WEE1: variants seen among roughly 807,000 people sequenced by gnomAD.
WEE1 encodes the protein wee1-like protein kinase.
Under a neutral mutation model 68.8 loss-of-function variants are expected in WEE1, and 16 were observed. That is an observed-to-expected ratio of 0.23 (90% CI 0.16 to 0.35). The LOEUF (loss-of-function observed/expected upper bound fraction) is 0.35. Among genes scored for constraint, WEE1 ranks in the 10% least tolerant of loss-of-function variants. The probability of loss-of-function intolerance (pLI) is 1.00; values close to 1 mark genes in which losing one functional copy is unlikely to be tolerated. For missense variants in WEE1, 651 were observed against 824.1 expected, an observed-to-expected ratio of 0.79 and a Z score of 2.57; for synonymous variants, 349 against 318.7, an observed-to-expected ratio of 1.09 and a Z score of -1.01.
chr11:9,577,018 C>A, intron 4 of WEE1, 124 bp from the exon 5 acceptor site: 1 of 1,043,800 alleles, frequency 9.6e-7, no homozygotes, highest in Middle Eastern at 2.9e-4. Flanking sequence ...CTCTCTTAAG[C>A]AAGTTGCTTT....
Position 9,586,575 on chromosome 11 carries a change from C to T in WEE1, c.1597C>T (p.Arg533Trp), listed in dbSNP as rs749237978. The T allele has an allele frequency of 5.6e-6, 9 of 1,614,098 alleles. No homozygotes were observed. The highest frequency in any genetic ancestry group is 2.2e-5 in the East Asian group (1 of 44,874). The change falls in exon 9 of 11, where the codon CGG (arginine) becomes TGG (tryptophan). Residue 533 changes from arginine (R) to tryptophan (W), a missense_variant. Arg to Trp is a moderately radical substitution (Grantham distance 101). This residue lies in a region of WEE1 where 115 missense variants were observed against 142.7 expected (regional missense o/e 0.81). Coordinates refer to ENST00000450114, the MANE Select transcript of WEE1 (RefSeq NM_003390.4). ...TGAAATCAGACAGGGTAGATTACCT[C>T]GGATACCACAAGTGCTTTCCCAAGA... ...WHEIRQGRLP[R>W]IPQVLSQEFT... is the part of the protein sequence containing the mutation.
rs1009659703 is a variant in WEE1 at position 9,578,775 on chromosome 11, G to A, written c.1141+1512G>A. ...AGATGATTCTGAGAAAACTCACGTG[G>A]GCCTGGGAGATAGGGAACTGAGTGA... On this transcript the variant is annotated intron_variant, in intron 5 of 10. Transcript: ENST00000450114. The A allele has an allele frequency of 3.9e-5, 6 of 151,942 alleles. 1 individual carries two copies. In the South Asian group the frequency reaches 8.3e-4, roughly 21 times the overall value. 9.4% of individuals were successfully genotyped at this position (151,942 alleles called of 1,614,324 possible).
At chr11:9,575,480 T>C in intron 1 of WEE1, 16 of 907,126 alleles carry the variant, frequency 1.8e-5, no homozygotes, top group Non-Finnish European at 2.2e-5. Flanking sequence ...GCAAAATCCC[T>C]CTGGAAGTGA....
At chr11:9,582,008 C>T (rs1849633568) in intron 6 of WEE1, among the ~76,000 whole-genome samples, 1 of 152,236 alleles carries the variant, frequency 6.6e-6, no homozygotes, top group South Asian at 2.1e-4. Context: ...GGACTATAGG[C>T]ATGTGCCACC....
chr11:9,576,354 A>G lies in WEE1; in HGVS notation c.846+61A>G, dbSNP rs1251207921. The G allele has an allele frequency of 1.6e-5, 24 of 1,537,334 alleles. No homozygotes were observed. Among genetic ancestry groups the G allele is most frequent in the Non-Finnish European group, 2.1e-5 (24 of 1,137,832 alleles). On this transcript the variant is annotated intron_variant, in intron 3 of 10. Transcript: ENST00000450114. The surrounding 1 kb of genome is among the most constrained non-coding windows in gnomAD (Gnocchi z 4.3). ...ACTTTTCTGCCACTTAAAGCATGCT[A>G]TGAATATGTTAATAAGCATTAACAC...
At position 9,574,378 on chromosome 11, in the gene WEE1, G is replaced by C; in HGVS notation, c.445G>C (p.Ala149Pro). Residue 149 changes from alanine to proline, a missense_variant, in exon 1 of 11, where the codon GCG becomes CCG. By Grantham distance (27) the Ala-to-Pro change is conservative. Transcript: ENST00000450114. This position sits in a 1 kb window ranked among gnomAD's most constrained non-coding sequence, Gnocchi z 4.9. Reference protein sequence around the residue: ...SPVRCGGPGDASPRGCGARRA... With the variant: ...SPVRCGGPGDPSPRGCGARRA... Reference sequence around the variant, plus strand: ...GGTGCGCTGCGGCGGCCCAGGAGATGCGTCGCCGCGGGGTTGCGGGGCGCG... The same window carrying C: ...GGTGCGCTGCGGCGGCCCAGGAGATCCGTCGCCGCGGGGTTGCGGGGCGCG... The C allele has an allele frequency of 8.2e-7, 1 of 1,221,454 alleles. No homozygotes were observed. Among genetic ancestry groups the C allele is most frequent in the Non-Finnish European group, 1.0e-6 (1 of 983,978 alleles). The allele number at this position is 1,221,454 out of a possible 1,614,324, so 75.7% of individuals were successfully genotyped here.
At position 9,575,920 on chromosome 11, in the gene WEE1, C is replaced by T; in HGVS notation, c.609C>T (p.Ser203=). 1 of 1,614,082 alleles carries T rather than the reference C, an allele frequency of 6.2e-7. No homozygotes were observed. The highest frequency in any genetic ancestry group is 2.2e-5 in the East Asian group (1 of 44,870). The change falls in exon 2 of 11, where the codon TCC becomes TCT. Residue 203 remains serine, a synonymous_variant. Transcript: ENST00000450114. ...TCTCCAAAGCTCGGGGAATTGATTC[C>T]AGCTCTGTTAAACTCCGGGGTAGTT... The part of the protein sequence containing the change: ...SLLSKARGID[S]SSVKLRGSSL...
At chr11:9,585,143 G>C in intron 6 of WEE1, 115 bp from the exon 7 acceptor site, 1 of 817,262 alleles carries the variant, frequency 1.2e-6, no homozygotes, top group Admixed American at 2.4e-5. Context: ...GTTTGGGCTA[G>C]AACTTGAGAA....
In WEE1 at chr11:9,589,654, T is replaced by A; in HGVS notation, c.*1052T>A. 3.4e-6 allele frequency: 2 copies of A among 595,230 alleles called. No homozygotes were observed. Among genetic ancestry groups the A allele is most frequent in the Non-Finnish European group, 4.0e-6 (2 of 504,030 alleles). 36.9% of individuals were successfully genotyped at this position (595,230 alleles called of 1,614,324 possible). A position where few individuals can be genotyped will look rare whatever the true frequency, so the allele number is the denominator to read the frequency against. The stretch of plus-strand genomic sequence containing the variant: ...ACAGATGTTGAAAAAAATTGTCTGT[T>A]TGTTTTCTCATTAATTTTGGTCTAA... On this transcript the variant is annotated 3_prime_UTR_variant, in exon 11 of 11. Coordinates refer to ENST00000450114, the MANE Select transcript of WEE1 (RefSeq NM_003390.4).
In WEE1 at chr11:9,586,499, G is replaced by C. The variant is rs1849701364; in HGVS notation, c.1521G>C (p.Val507=). 1.9e-6 allele frequency: 3 copies of C among 1,613,890 alleles called. No individual in the cohort carries two copies. Among genetic ancestry groups the C allele is most frequent in the Admixed American group, 3.3e-5 (2 of 59,972 alleles). The change falls in exon 9 of 11, where the codon GTG becomes GTC. Residue 507 remains valine, a synonymous_variant. Transcript: ENST00000450114. ...KADIFALALT[V]VCAAGAEPLP... is the part of the protein sequence containing the mutation. Reference sequence around the variant, plus strand: ...ATATTTTTGCGCTTGCCCTCACAGTGGTATGTGCTGCTGGTGCTGAACCTC... The same window carrying C: ...ATATTTTTGCGCTTGCCCTCACAGTCGTATGTGCTGCTGGTGCTGAACCTC...
At chr11:9,587,412 C>G (rs1162165928) in intron 10 of WEE1, among the ~76,000 whole-genome samples, 1 of 152,318 alleles carries the variant, frequency 6.6e-6, no homozygotes, top group African/African-American at 2.4e-5. Flanking sequence ...TGGTGATAGT[C>G]CCCAAGCCAT....
At position 9,581,624 on chromosome 11, in the gene WEE1, C is replaced by T. The variant is rs1458610766; in HGVS notation, c.1234C>T (p.Arg412Ter). ...GAAGGATCTCCTTTTGCAAGTTGGC[C>T]GAGGCTTGAGGTATATTCATTCAAT... ...ELKDLLLQVGRGLRYIHSMSL... is the reference protein window; with the variant it reads ...ELKDLLLQVG The change falls in exon 6 of 11, where the codon CGA (arginine) becomes TGA (stop). Residue 412 changes from arginine (R) to a stop codon, truncating the protein, a stop_gained. Transcript: ENST00000450114. LOFTEE classifies it high-confidence loss of function. 1 of 1,613,284 alleles carries T rather than the reference C, an allele frequency of 6.2e-7. No homozygotes were observed. Among genetic ancestry groups the T allele is most frequent in the Non-Finnish European group, 8.5e-7 (1 of 1,179,850 alleles).
rs1849629230 is a variant in WEE1 at position 9,581,618 on chromosome 11, G to A, written c.1228G>A (p.Val410Ile). Residue 410 changes from valine to isoleucine, a missense_variant, in exon 6 of 11, where the codon GTT (valine) becomes ATT (isoleucine). Physicochemically the swap from Val to Ile is conservative, Grantham distance 29. Coordinates refer to ENST00000450114, the MANE Select transcript of WEE1 (RefSeq NM_003390.4). ...EAELKDLLLQVGRGLRYIHSM... is the reference protein window; with the variant it reads ...EAELKDLLLQIGRGLRYIHSM... The stretch of plus-strand genomic sequence containing the variant: ...AGAGTTGAAGGATCTCCTTTTGCAA[G>A]TTGGCCGAGGCTTGAGGTATATTCA... 1.9e-6 allele frequency: 3 copies of A among 1,613,366 alleles called. No individual in the cohort carries two copies. The highest frequency in any genetic ancestry group is 2.2e-5 in the East Asian group (1 of 44,870).
chr11:9,578,965 G>C (rs971798981), intron 5 of WEE1: 1 of 150,972 alleles, frequency 6.6e-6, no homozygotes, highest in African/African-American at 2.4e-5. Context: ...GGAGTGCAGT[G>C]GCGCAATCTC....
In WEE1 at chr11:9,576,221, T is replaced by C. The variant is rs1849563835; in HGVS notation, c.783-9T>C. On this transcript the variant is annotated splice_polypyrimidine_tract_variant and intron_variant, in intron 2 of 10. Transcript: ENST00000450114. This position sits in a 1 kb window ranked among gnomAD's most constrained non-coding sequence, Gnocchi z 4.3. ...AGATATATTGATAGAAAAATAACAT[T>C]TTTTTTAGTTCCTGTGGTGAAGACA... 3 of 1,537,406 alleles carry C rather than the reference T, an allele frequency of 2.0e-6. No homozygotes were observed. The highest frequency in any genetic ancestry group is 2.6e-6 in the Non-Finnish European group (3 of 1,132,830).
Position 9,581,570 on chromosome 11 carries a change from A to G in WEE1, c.1180A>G (p.Ile394Val). 1 of 1,611,628 alleles carries G rather than the reference A, an allele frequency of 6.2e-7. No homozygotes were observed. The highest frequency in any genetic ancestry group is 8.5e-7 in the Non-Finnish European group (1 of 1,179,742). The change falls in exon 6 of 11, where the codon ATC becomes GTC. Residue 394 changes from isoleucine (I) to valine (V), a missense_variant. Physicochemically the swap from Ile to Val is conservative, Grantham distance 29. Transcript: ENST00000450114. The stretch of plus-strand genomic sequence containing the variant: ...TGATGCTATAAGTGAAAACTACAGA[A>G]TCATGAGTTACTTTAAAGAAGCAGA... ...LADAISENYRIMSYFKEAELK... is the reference protein window; with the variant it reads ...LADAISENYRVMSYFKEAELK...
In WEE1 at chr11:9,581,309, A is replaced by G. The variant is rs939100656; in HGVS notation, c.1142-223A>G. ...AGAAACAGGTGGATTGCTGAGGTGT[A>G]TGATTGAGAGAGAGACTTTACATTT... On this transcript the variant is annotated intron_variant, in intron 5 of 10. Coordinates refer to ENST00000450114, the MANE Select transcript of WEE1 (RefSeq NM_003390.4). The G allele has an allele frequency of 8.7e-6, 4 of 458,300 alleles. No individual in the cohort carries two copies. In the South Asian group the frequency reaches 1.1e-4, roughly 12 times the overall value. The allele number at this position is 458,300 out of a possible 1,614,324, so 28.4% of individuals were successfully genotyped here.
intron 8 of WEE1, 99 bp downstream of exon 8, chr11:9,585,626 T>C (rs973157417): frequency 1.0e-6 from 1 of 977,480 alleles, no homozygotes; most frequent in South Asian, 2.2e-5. Flanking sequence ...AGTTAACTAA[T>C]AGAATGGAAA....
chr11:9,577,123 A>C lies in WEE1; in HGVS notation c.1020-19A>C. On this transcript the variant is annotated intron_variant, in intron 4 of 10. Coordinates refer to ENST00000450114, the MANE Select transcript of WEE1 (RefSeq NM_003390.4). ...AGTGAAAATTATTTACCATTCTATT[A>C]ATCTCAAATTTCTTCTAGGCAGAAC... The C allele has an allele frequency of 6.3e-7, 1 of 1,591,760 alleles. No homozygotes were observed. Among genetic ancestry groups the C allele is most frequent in the Non-Finnish European group, 8.5e-7 (1 of 1,171,946 alleles).
Sources: gnomAD v4.1 joint callset for allele counts (sites outside exome capture counted in the v4.1 genomes callset) on GRCh38, gnomAD v4.1.1 for gene constraint, gnomAD v4.1.1 regional missense constraint, Gnocchi (gnomAD v3.1) non-coding constraint, MANE v1.5 for transcripts, NCBI Gene and HGNC (gene_info 2026-07-23, HGNC 2026-07-21) for gene names.